Variants in YWHAE observed in about 807,000 individuals in gnomAD.
The protein encoded by YWHAE is tyrosine 3-monooxygenase/tryptophan 5-monooxygenase activation protein epsilon.
In YWHAE, 4 loss-of-function variants were observed where a neutral mutation model predicts 30.1. The observed-to-expected ratio is 0.13, with a 90% CI of 0.07 to 0.30. The LOEUF is 0.30. YWHAE is among the 10% of genes least tolerant of loss of function. YWHAE has a pLI of 1.00. For missense variants in YWHAE, 121 were observed against 315.9 expected (o/e 0.38, Z 4.68); for synonymous variants, 118 against 111.8 (o/e 1.06, Z -0.35).
At chr17:1,359,955 A>G (rs1174896238) in intron 4 of YWHAE, among the ~76,000 whole-genome samples, 732 of 19,146 alleles carry the variant, frequency 0.038, 44 homozygotes, top group African/African-American at 0.085. Context: ...GGGGGGAGAG[A>G]GGGGGAGAGA....
At position 1,382,612 on chromosome 17, in the gene YWHAE, G is replaced by A. The variant is rs1373664589; in HGVS notation, c.64+17435C>T. On this transcript the variant is annotated intron_variant, in intron 1 of 5. Transcript: ENST00000264335. Reference sequence around the variant, plus strand: ...CCTGACCCTGTGATCCACCCGCCTCGGCCTCCCAAAGTGCTAGGATTACAG... The same window carrying A: ...CCTGACCCTGTGATCCACCCGCCTCAGCCTCCCAAAGTGCTAGGATTACAG... 4.0e-5 allele frequency among the ~76,000 whole-genome samples: 6 copies of A among 151,756 alleles called. No individual in the cohort carries two copies. In the East Asian group the frequency reaches 7.7e-4, roughly 20 times the overall value.
intron 1 of YWHAE, among the ~76,000 whole-genome samples, chr17:1,381,994 G>C (rs1450167931): frequency 6.8e-6 from 1 of 146,814 alleles, no homozygotes. Context: ...CAAAGAAAAA[G>C]TTATTAAAGG....
At position 1,355,213 on chromosome 17, in the gene YWHAE, G is replaced by A. The variant is rs1263385911; in HGVS notation, c.579-866C>T. Among the ~76,000 whole-genome samples, 6 of 126,578 alleles carry A rather than the reference G, an allele frequency of 4.7e-5. No homozygotes were observed. In the East Asian group the frequency reaches 1.5e-3, roughly 31 times the overall value. The allele number at this position is 126,578 out of a possible 152,430, so 83.0% of individuals were successfully genotyped here. On this transcript the variant is annotated intron_variant, in intron 4 of 5. Transcript: ENST00000264335. The stretch of plus-strand genomic sequence containing the variant: ...GCTCTATCACCCAGGCTGGAGTGCA[G>A]TGGCGGGATGTAGGCTAAATGCAAG...
At chr17:1,384,458 A>C (rs370450941) in intron 1 of YWHAE, among the ~76,000 whole-genome samples, 2 of 150,982 alleles carry the variant, frequency 1.3e-5, no homozygotes, top group Admixed American at 1.3e-4. Flanking sequence ...TTGGGAGGCC[A>C]AGGCGGGCAG....
chr17:1,397,219 A>C (rs2073487833), intron 1 of YWHAE, among the ~76,000 whole-genome samples: 1 of 152,198 alleles, frequency 6.6e-6, no homozygotes, highest in Non-Finnish European at 1.5e-5. Flanking sequence ...ACTTTCTTGT[A>C]CTATTTCATA....
At chr17:1,345,739 A>G (rs1227828457) in intron 5 of YWHAE, among the ~76,000 whole-genome samples, 2 of 152,188 alleles carry the variant, frequency 1.3e-5, no homozygotes, top group African/African-American at 4.8e-5. Context: ...GTACAACTCA[A>G]TGTTTTTACG....
intron 4 of YWHAE, among the ~76,000 whole-genome samples, chr17:1,358,578 G>A (rs1432172444): frequency 6.6e-6 from 1 of 151,004 alleles, no homozygotes; most frequent in African/African-American, 2.4e-5. Flanking sequence ...AGTGGCTCAT[G>A]CCTGTAATCC....
At chr17:1,394,597 C>A (rs2073439515) in intron 1 of YWHAE, among the ~76,000 whole-genome samples, 1 of 151,816 alleles carries the variant, frequency 6.6e-6, no homozygotes, top group Non-Finnish European at 1.5e-5. Context: ...CAAAGCAAGA[C>A]CCTGTTTCAA....
chr17:1,364,297 G>A (rs1807971358), intron 2 of YWHAE, among the ~76,000 whole-genome samples: 2 of 151,638 alleles, frequency 1.3e-5, no homozygotes, highest in South Asian at 2.1e-4. Context: ...TGCGATCTCG[G>A]CTCACCGCAA....
intron 5 of YWHAE, among the ~76,000 whole-genome samples, chr17:1,351,277 C>T (rs1264891845): frequency 6.6e-6 from 1 of 151,656 alleles, no homozygotes; most frequent in Admixed American, 6.6e-5. Context: ...GCAGGAGAAT[C>T]AGAGGCAGGA....
intron 1 of YWHAE, among the ~76,000 whole-genome samples, chr17:1,378,557 T>C (rs987243479): frequency 1.3e-5 from 2 of 152,184 alleles, no homozygotes; most frequent in African/African-American, 4.8e-5. Flanking sequence ...CACTGACAAA[T>C]AATCTGGGAA....
At position 1,345,502 on chromosome 17, in the gene YWHAE, G is replaced by GTT. The variant is rs2072500867; in HGVS notation, c.716-5_716-4dup. The GTT allele has an allele frequency of 6.2e-7, 1 of 1,613,034 alleles. No homozygotes were observed. Among genetic ancestry groups the GTT allele is most frequent in the African/African-American group, 1.3e-5 (1 of 74,764 alleles). On this transcript the variant is annotated splice_polypyrimidine_tract_variant and splice_region_variant and intron_variant, in intron 5 of 5. Transcript: ENST00000264335. ...CGCTTCTTTATTCTGCTCTTCACCTGTTAAAAAAGAAAAAAAGTCAATTAT... is the reference window on the plus strand; with the variant it reads ...CGCTTCTTTATTCTGCTCTTCACCTGTTTTAAAAAAGAAAAAAAGTCAATTAT...
In YWHAE at chr17:1,400,154, G is replaced by T; in HGVS notation, c.-44C>A. The T allele has an allele frequency of 6.2e-7, 1 of 1,610,102 alleles. No individual in the cohort carries two copies. Among genetic ancestry groups the T allele is most frequent in the Middle Eastern group, 1.7e-4 (1 of 6,056 alleles). ...AGGGTCTGCGCGACGGATGGAAGCG[G>T]ATAGTGTCTCCGACTCTCTCAGCCT... On this transcript the variant is annotated 5_prime_UTR_variant, in exon 1 of 6. Transcript: ENST00000264335.
At chr17:1,398,269 T>C (rs2073504037) in intron 1 of YWHAE, among the ~76,000 whole-genome samples, 1 of 152,024 alleles carries the variant, frequency 6.6e-6, no homozygotes, top group Non-Finnish European at 1.5e-5. Flanking sequence ...CACATTCATA[T>C]CTCTTTGATT....
rs190390940 is a variant in YWHAE, at chr17:1,387,653, T to A, written c.64+12394A>T. 2.5e-4 allele frequency among the ~76,000 whole-genome samples: 38 copies of A among 152,116 alleles called. 1 individual carries two copies. The East Asian group carries it at 6.9e-3, about 28-fold the overall frequency. ...GGGGGCAGTAGGCGGGGATGGAGTC[T>A]TACTGTTTCCCAGGCTGGAGTGCAG... On this transcript the variant is annotated intron_variant, in intron 1 of 5. Transcript: ENST00000264335.
At chr17:1,363,120 G>C (rs2072888872) in intron 2 of YWHAE, among the ~76,000 whole-genome samples, 1 of 152,040 alleles carries the variant, frequency 6.6e-6, no homozygotes, top group South Asian at 2.1e-4. Context: ...ACTTTCACTT[G>C]TCCACACCCA....
chr17:1,361,770 A>T, intron 3 of YWHAE, 132 bp downstream of exon 3: 1 of 591,088 alleles, frequency 1.7e-6, no homozygotes, highest in Non-Finnish European at 2.8e-6. Flanking sequence ...CCTTTTCATT[A>T]CAATATTAAC....
At chr17:1,359,668 T>A (rs567631712) in intron 4 of YWHAE, among the ~76,000 whole-genome samples, 2 of 151,590 alleles carry the variant, frequency 1.3e-5, no homozygotes, top group East Asian at 3.9e-4. Context: ...CAACGTAAAA[T>A]AAAAGTTACT....
intron 1 of YWHAE, among the ~76,000 whole-genome samples, chr17:1,370,520 T>C (rs1037485201): frequency 4.0e-5 from 6 of 151,868 alleles, no homozygotes; most frequent in Admixed American, 3.9e-4. Context: ...AGCCTCTGCC[T>C]CCAGGGTTCA....
Sources: gnomAD v4.1 joint callset for allele counts (sites outside exome capture counted in the v4.1 genomes callset) on GRCh38, gnomAD v4.1.1 for gene constraint, MANE v1.5 for transcripts, NCBI Gene and HGNC (gene_info 2026-07-23, HGNC 2026-07-21) for gene names.